Variants in SLC4A10 observed in about 807,000 individuals in gnomAD.
The protein encoded by SLC4A10 is solute carrier family 4 member 10.
In SLC4A10, 42 loss-of-function variants were observed where a neutral mutation model predicts 137.7. The ratio of observed to expected loss-of-function variants is 0.30; its 90% CI spans 0.24 to 0.39. The LOEUF (loss-of-function observed/expected upper bound fraction) is 0.39. Among genes scored for constraint, SLC4A10 ranks in the 10% least tolerant of loss-of-function variants. The pLI is 1.00. For missense variants in SLC4A10, 925 were observed against 1,355.0 expected, an observed-to-expected ratio of 0.68 and a Z score of 4.98; for synonymous variants, 474 against 464.1, an observed-to-expected ratio of 1.02 and a Z score of -0.27.
chr2:161,803,393 C>T (rs2055576334), intron 2 of SLC4A10, among the ~76,000 whole-genome samples: 1 of 151,580 alleles, frequency 6.6e-6, no homozygotes, highest in African/African-American at 2.4e-5. Context: ...CCATAGTTTA[C>T]ATTAGGGTTC....
chr2:161,838,661 C>A (rs982334707), intron 3 of SLC4A10, among the ~76,000 whole-genome samples: 1 of 152,100 alleles, frequency 6.6e-6, no homozygotes, highest in Non-Finnish European at 1.5e-5. Flanking sequence ...TAAAAATAAG[C>A]AAAATGTTTT....
intron 1 of SLC4A10, among the ~76,000 whole-genome samples, chr2:161,660,584 C>CTTTCTTTCTTTCT (rs1558969130): frequency 7.6e-6 from 1 of 130,960 alleles, no homozygotes; most frequent in Non-Finnish European, 1.7e-5. Flanking sequence ...TTCTTTCTTT[C>CTTTCTTTCTTTCT]TTTCTTTCTT....
At chr2:161,959,726 G>GCTAT (rs1249963642) in intron 21 of SLC4A10, among the ~76,000 whole-genome samples, 2 of 152,154 alleles carry the variant, frequency 1.3e-5, no homozygotes, top group Non-Finnish European at 2.9e-5. Context: ...TTTGTTAGAG[G>GCTAT]CTATCCACTA....
chr2:161,876,160 T>G (rs1329023891), intron 8 of SLC4A10, among the ~76,000 whole-genome samples: 1 of 152,112 alleles, frequency 6.6e-6, no homozygotes. Flanking sequence ...AGCATGAGTG[T>G]AAATACAGAC....
At chr2:161,877,284 T>G (rs1223059482) in intron 8 of SLC4A10, among the ~76,000 whole-genome samples, 1 of 152,104 alleles carries the variant, frequency 6.6e-6, no homozygotes, top group Admixed American at 6.5e-5. Context: ...TAATTCATAT[T>G]ATCAATTATG....
chr2:161,697,611 G>A (rs2042670047), intron 1 of SLC4A10, among the ~76,000 whole-genome samples: 1 of 152,172 alleles, frequency 6.6e-6, no homozygotes, highest in South Asian at 2.1e-4. Context: ...AGATCAGATG[G>A]CTGTAGATGT....
At chr2:161,907,790 T>C (rs1414258986) in intron 15 of SLC4A10, among the ~76,000 whole-genome samples, 1 of 152,220 alleles carries the variant, frequency 6.6e-6, no homozygotes, top group African/African-American at 2.4e-5. Context: ...TGTCTGAAGT[T>C]ATATAGATAG....
At chr2:161,644,251 C>T (rs1009115060) in intron 1 of SLC4A10, among the ~76,000 whole-genome samples, 2 of 152,084 alleles carry the variant, frequency 1.3e-5, no homozygotes, top group African/African-American at 4.8e-5. Flanking sequence ...ATTCCTAGCA[C>T]TTTGGGAGAC....
At chr2:161,818,070 C>A (rs940809165) in intron 3 of SLC4A10, among the ~76,000 whole-genome samples, 1 of 152,048 alleles carries the variant, frequency 6.6e-6, no homozygotes, top group Non-Finnish European at 1.5e-5. Context: ...TTACCTTGGG[C>A]AATATGGCCA....
At chr2:161,786,844 A>G (rs1241902457) in intron 2 of SLC4A10, among the ~76,000 whole-genome samples, 8 of 150,542 alleles carry the variant, frequency 5.3e-5, no homozygotes, top group Non-Finnish European at 7.4e-5. Context: ...TTATGACATA[A>G]AAGAGTATAC....
intron 1 of SLC4A10, among the ~76,000 whole-genome samples, chr2:161,680,570 A>G (rs1390464673): frequency 1.3e-5 from 2 of 150,204 alleles, no homozygotes; most frequent in Non-Finnish European, 3.0e-5. Flanking sequence ...TGAGGATCTG[A>G]TAGAGAGTTT....
intron 1 of SLC4A10, among the ~76,000 whole-genome samples, chr2:161,664,246 A>T (rs1395756093): frequency 6.6e-6 from 1 of 152,008 alleles, no homozygotes; most frequent in Admixed American, 6.6e-5. Context: ...AGTTATTATG[A>T]AGCAACAAAC....
At chr2:161,767,221 T>TATATATATACAC (rs1484829410) in intron 1 of SLC4A10, among the ~76,000 whole-genome samples, 4 of 123,254 alleles carry the variant, frequency 3.2e-5, no homozygotes, top group Non-Finnish European at 4.9e-5. Context: ...TATACACATA[T>TATATATATACAC]ATATATATAT....
chr2:161,984,580 CT>C lies in SLC4A10; in HGVS notation c.*1430del, dbSNP rs1700607233. On this transcript the variant is annotated 3_prime_UTR_variant, in exon 27 of 27. Transcript: ENST00000446997. ...ACATGAAAAGTGAAGAAAAGTTCCT[CT>C]TGTGATTAAACTAATGGGAGGAAAT... The C allele has an allele frequency of 6.6e-6, 1 of 152,096 alleles. No homozygotes were observed. The highest frequency in any genetic ancestry group is 6.5e-5 in the Admixed American group (1 of 15,270). 9.4% of individuals were successfully genotyped at this position (152,096 alleles called of 1,614,324 possible).
intron 1 of SLC4A10, among the ~76,000 whole-genome samples, chr2:161,751,992 C>T (rs1009069823): frequency 6.6e-6 from 1 of 151,938 alleles, no homozygotes; most frequent in Admixed American, 6.6e-5. Context: ...GAGGCCTTAG[C>T]TAGTCATACA....
chr2:161,915,607 G>A (rs1003834666), intron 15 of SLC4A10, among the ~76,000 whole-genome samples: 1 of 152,058 alleles, frequency 6.6e-6, no homozygotes, highest in Non-Finnish European at 1.5e-5. Flanking sequence ...GGGTCCTTGG[G>A]GTCACAGGCA....
chr2:161,785,047 AG>A (rs1332777137), intron 2 of SLC4A10, among the ~76,000 whole-genome samples: 1 of 151,704 alleles, frequency 6.6e-6, no homozygotes, highest in Non-Finnish European at 1.5e-5. Flanking sequence ...TATATTAAAG[AG>A]GAGGTATTAC....
At chr2:161,761,334 C>A (rs776838200) in intron 1 of SLC4A10, among the ~76,000 whole-genome samples, 1 of 151,986 alleles carries the variant, frequency 6.6e-6, no homozygotes, top group Non-Finnish European at 1.5e-5. Context: ...AAGGACACAG[C>A]AGGACAAATA....
intron 1 of SLC4A10, among the ~76,000 whole-genome samples, chr2:161,670,299 T>A (rs11684558): frequency 0.77 from 112,826 of 147,230 alleles, 43,742 homozygotes; most frequent in East Asian, 0.85. Flanking sequence ...CCCTTTCATC[T>A]TCTTTTTTTT....
Sources: gnomAD v4.1 joint callset for allele counts (sites outside exome capture counted in the v4.1 genomes callset) on GRCh38, gnomAD v4.1.1 for gene constraint, MANE v1.5 for transcripts, NCBI Gene and HGNC (gene_info 2026-07-23, HGNC 2026-07-21) for gene names.